The following HSP90AA1 variants were observed in gnomAD, a reference collection of about 807,000 sequenced individuals.
HSP90AA1 encodes heat shock protein 90 alpha family class A member 1.
In HSP90AA1, 18 loss-of-function variants were observed where a neutral mutation model predicts 73.3. The ratio of observed to expected loss-of-function variants is 0.25; its 90% CI spans 0.17 to 0.36. HSP90AA1 has a LOEUF of 0.36. HSP90AA1 is among the 10% of genes least tolerant of loss of function. The probability of loss-of-function intolerance (pLI) is 1.00; values close to 1 mark genes in which losing one functional copy is unlikely to be tolerated. For missense variants in HSP90AA1, 704 were observed against 874.2 expected (o/e 0.81, Z 2.45); for synonymous variants, 477 against 296.9 (o/e 1.61, Z -6.24).
chr14:102,101,476 C>T (rs974613643), intron 2 of HSP90AA1, among the ~76,000 whole-genome samples: 1 of 152,358 alleles, frequency 6.6e-6, no homozygotes, highest in South Asian at 2.1e-4. Flanking sequence ...CTTCTTCACG[C>T]CCCTCCTGCC....
intron 1 of HSP90AA1, among the ~76,000 whole-genome samples, chr14:102,126,125 T>G: frequency 6.6e-6 from 1 of 152,048 alleles, no homozygotes; most frequent in East Asian, 1.9e-4. Context: ...AAGTGAGGGA[T>G]GAATAAGCAG....
At chr14:102,136,822 A>C (rs989247775) in intron 1 of HSP90AA1, among the ~76,000 whole-genome samples, 8 of 150,498 alleles carry the variant, frequency 5.3e-5, no homozygotes, top group African/African-American at 2.0e-4. Flanking sequence ...CGGGAGGCAG[A>C]GGTTGCAGTG....
rs912670172 is a variant in HSP90AA1, at chr14:102,128,521, C to A, written c.155+10729G>T. On this transcript the variant is annotated intron_variant, in intron 1 of 11. Transcript: ENST00000334701. ...GCGGGCGCCTGTAATCCCAGCTACT[C>A]GGGAGGCTGAGGCAGGAGATTGCTT... 5.3e-5 allele frequency among the ~76,000 whole-genome samples: 8 copies of A among 150,784 alleles called. No individual in the cohort carries two copies. The South Asian group carries it at 1.7e-3, about 32-fold the overall frequency.
chr14:102,116,814 G>A (rs1366968427), intron 1 of HSP90AA1, among the ~76,000 whole-genome samples: 1 of 152,070 alleles, frequency 6.6e-6, no homozygotes, highest in Non-Finnish European at 1.5e-5. Flanking sequence ...GGCATGGGGT[G>A]GGCAGGCAGA....
chr14:102,121,607 T>G (rs567452164), intron 1 of HSP90AA1, among the ~76,000 whole-genome samples: 3 of 152,348 alleles, frequency 2.0e-5, no homozygotes, highest in African/African-American at 7.2e-5. Flanking sequence ...AACATTAACA[T>G]CTGTGCTAAC....
rs557173648 is a variant in HSP90AA1, at chr14:102,129,782, C to T, written c.155+9468G>A. Among the ~76,000 whole-genome samples, 115 of 147,744 alleles carry T rather than the reference C, an allele frequency of 7.8e-4. 1 individual carries two copies. The highest frequency in any genetic ancestry group is 2.3e-3 in the African/African-American group (95 of 41,114). ...CCTCCCAAAGTGCTGGGATTACAGG[C>T]GTGAGCCACCACGCCCGACAACTAC... is the stretch of plus-strand genomic sequence containing the variant. On this transcript the variant is annotated intron_variant, in intron 1 of 11. Transcript: ENST00000334701.
chr14:102,130,010 G>A (rs1277203585), intron 1 of HSP90AA1, among the ~76,000 whole-genome samples: 3 of 151,292 alleles, frequency 2.0e-5, no homozygotes, highest in Admixed American at 1.3e-4. Context: ...TCGCTCTGTC[G>A]CCCAGGCTGA....
intron 1 of HSP90AA1, among the ~76,000 whole-genome samples, chr14:102,112,632 C>A (rs949127341): frequency 2.0e-5 from 3 of 152,112 alleles, no homozygotes; most frequent in Non-Finnish European, 1.5e-5. Flanking sequence ...GCACACACCA[C>A]CATGTGCAGC....
intron 1 of HSP90AA1, among the ~76,000 whole-genome samples, chr14:102,124,590 G>A (rs539677676): frequency 6.6e-6 from 1 of 152,004 alleles, no homozygotes; most frequent in Non-Finnish European, 1.5e-5. Context: ...AGGCTGGAGT[G>A]CAGTGGCACT....
intron 1 of HSP90AA1, among the ~76,000 whole-genome samples, chr14:102,112,775 CCA>C (rs2049658040): frequency 6.6e-6 from 1 of 152,198 alleles, no homozygotes; most frequent in Non-Finnish European, 1.5e-5. Flanking sequence ...GCCACTGTGC[CCA>C]GTTGATTTCA....
chr14:102,114,178 T>A (rs182957819), intron 1 of HSP90AA1, among the ~76,000 whole-genome samples: 256 of 151,752 alleles, frequency 1.7e-3, no homozygotes, highest in African/African-American at 5.9e-3. Flanking sequence ...TTAGTAGAGA[T>A]GGGGTTCACC....
intron 3 of HSP90AA1, 59 bp from the exon 4 acceptor site, chr14:102,085,490 C>A (rs957394371): frequency 9.5e-6 from 14 of 1,474,348 alleles, no homozygotes; most frequent in Non-Finnish European, 9.5e-6. Flanking sequence ...CAACGCCATG[C>A]CTAACACCCT....
Position 102,082,841 on chromosome 14 carries a change from CG to C in HSP90AA1, c.1755+192del, listed in dbSNP as rs2049130249. ...TTCACCGTGTTAGCCAGGATGGTCTCGATCTCCTGACCTTGTGATCCGCTGC... is the reference window on the plus strand; with the variant it reads ...TTCACCGTGTTAGCCAGGATGGTCTCATCTCCTGACCTTGTGATCCGCTGC... On this transcript the variant is annotated intron_variant, in intron 9 of 10. Coordinates refer to ENST00000216281, the MANE Select transcript of HSP90AA1 (RefSeq NM_005348.4). 1.1e-5 allele frequency: 7 copies of C among 637,134 alleles called. No homozygotes were observed. In the Admixed American group the frequency reaches 1.8e-4, roughly 16 times the overall value. The allele number at this position is 637,134 out of a possible 1,614,324, so 39.5% of individuals were successfully genotyped here.
intron 1 of HSP90AA1, 65 bp downstream of exon 1, chr14:102,086,921 C>T: frequency 1.1e-6 from 1 of 914,868 alleles, no homozygotes. Context: ...GCCTCCGCCC[C>T]GCGCCAGCCG....
upstream of HSP90AA1, among the ~76,000 whole-genome samples, chr14:102,087,675 C>G (rs572046550): frequency 1.3e-4 from 20 of 152,280 alleles, no homozygotes; most frequent in African/African-American, 4.1e-4. Context: ...ACTGGGGAGG[C>G]TGTCCCGCGG....
upstream of HSP90AA1, among the ~76,000 whole-genome samples, chr14:102,087,949 TTC>T (rs1450700564): frequency 0.03 from 2,675 of 88,812 alleles, 17 homozygotes; most frequent in Middle Eastern, 0.057. Flanking sequence ...TTTTTTTTTT[TTC>T]TTTTTTTTTT....
intron 1 of HSP90AA1, among the ~76,000 whole-genome samples, chr14:102,103,909 G>A (rs1322307710): frequency 4.6e-5 from 7 of 151,810 alleles, no homozygotes; most frequent in Admixed American, 4.6e-4. Context: ...GAGGCTGAGG[G>A]AGGAGAATTA....
rs1007256720 is a variant in HSP90AA1, at chr14:102,105,510, C to T, written c.156-3425G>A. ...AGAAGGCATGCCAGATGGAGGGGACCGTGTGTGCAAAGGCACAAAGGTGAG... is the reference window on the plus strand; with the variant it reads ...AGAAGGCATGCCAGATGGAGGGGACTGTGTGTGCAAAGGCACAAAGGTGAG... On this transcript the variant is annotated intron_variant, in intron 1 of 11. Coordinates refer to the HSP90AA1 transcript ENST00000334701. 2.6e-5 allele frequency among the ~76,000 whole-genome samples: 4 copies of T among 152,074 alleles called. No homozygotes were observed. The South Asian group carries it at 6.2e-4, about 24-fold the overall frequency.
intron 9 of HSP90AA1, 126 bp downstream of exon 9, chr14:102,082,908 C>A: frequency 1.0e-6 from 1 of 1,004,610 alleles, no homozygotes; most frequent in Non-Finnish European, 1.6e-6. Context: ...CGTGAGCCAC[C>A]GCGCCCAGCC....
Sources: allele counts gnomAD v4.1 joint callset (sites outside exome capture counted in the v4.1 genomes callset), GRCh38; gene constraint gnomAD v4.1.1; transcripts MANE v1.5; gene names NCBI Gene and HGNC (gene_info 2026-07-23, HGNC 2026-07-21).